Variants in CDC42SE2 observed in about 807,000 individuals in gnomAD.
CDC42SE2 encodes the protein CDC42 small effector 2.
A neutral mutation model predicts 11.5 loss-of-function variants in CDC42SE2; 3 were observed. The ratio of observed to expected loss-of-function variants is 0.26; its 90% CI spans 0.12 to 0.67. The LOEUF (loss-of-function observed/expected upper bound fraction) is 0.67. Among genes scored for constraint, CDC42SE2 ranks in the 30% least tolerant of loss-of-function variants. The pLI is 0.80. For synonymous variants in CDC42SE2, 33 were observed against 34.8 expected (o/e 0.95, Z 0.18); for missense variants, 82 against 106.8 (o/e 0.77, Z 1.02).
chr5:131,227,005 A>G, the CDC42SE2 span, among the ~76,000 whole-genome samples: 1 of 152,244 alleles, frequency 6.6e-6, no homozygotes. Flanking sequence ...ACATATAGTT[A>G]GGCATAAATA....
chr5:131,220,724 T>G, the CDC42SE2 span, among the ~76,000 whole-genome samples: 19 of 152,136 alleles, frequency 1.2e-4, no homozygotes, highest in Admixed American at 1.2e-3. Context: ...CAGGTATTGT[T>G]TTCCTGACAA....
chr5:131,282,499 G>A (rs907527943), intron 1 of CDC42SE2, among the ~76,000 whole-genome samples: 5 of 152,096 alleles, frequency 3.3e-5, no homozygotes, highest in African/African-American at 1.2e-4. Context: ...TGGCATATTT[G>A]TGTGTATTTC....
upstream of CDC42SE2, chr5:131,263,802 G>C (rs2149687402): frequency 6.6e-6 from 1 of 152,340 alleles, no homozygotes; most frequent in South Asian, 2.1e-4. Flanking sequence ...TGCAGTCCCG[G>C]ATCTCAGGCG....
At chr5:131,234,291 G>A in the CDC42SE2 span, among the ~76,000 whole-genome samples, 9 of 152,118 alleles carry the variant, frequency 5.9e-5, no homozygotes, top group South Asian at 2.1e-4. Context: ...ATCTTATTAG[G>A]GTTTTCTGGA....
intron 1 of CDC42SE2, among the ~76,000 whole-genome samples, chr5:131,307,091 G>A (rs1757794573): frequency 6.6e-6 from 1 of 151,044 alleles, no homozygotes; most frequent in African/African-American, 2.4e-5. Flanking sequence ...TATACTTTAA[G>A]TTTTAGGGTA....
At chr5:131,310,079 C>T (rs932868626) in intron 1 of CDC42SE2, among the ~76,000 whole-genome samples, 1 of 151,906 alleles carries the variant, frequency 6.6e-6, no homozygotes, top group Non-Finnish European at 1.5e-5. Context: ...CTGTTGTGGG[C>T]ATTTAGTGCT....
At chr5:131,312,767 C>T (rs1348013083) in intron 1 of CDC42SE2, among the ~76,000 whole-genome samples, 1 of 152,154 alleles carries the variant, frequency 6.6e-6, no homozygotes, top group Non-Finnish European at 1.5e-5. Flanking sequence ...CTTGCACTTC[C>T]CGAGTGAGGC....
At chr5:131,383,169 GT>G (rs976156831) in intron 3 of CDC42SE2, among the ~76,000 whole-genome samples, 2 of 152,228 alleles carry the variant, frequency 1.3e-5, no homozygotes, top group African/African-American at 4.8e-5. Context: ...TCAAAGGATG[GT>G]TGTGGGTGTC....
intron 2 of CDC42SE2, among the ~76,000 whole-genome samples, chr5:131,336,094 C>T (rs1479158314): frequency 1.3e-5 from 2 of 152,170 alleles, no homozygotes; most frequent in Non-Finnish European, 2.9e-5. Context: ...CATGTTTTTG[C>T]AGTGGCTGGT....
At chr5:131,260,859 G>A (rs932034165), upstream of CDC42SE2, among the ~76,000 whole-genome samples, 4 of 151,722 alleles carry the variant, frequency 2.6e-5, no homozygotes, top group African/African-American at 7.3e-5. Flanking sequence ...ATTTGAACCT[G>A]GGAGGCAGAG....
chr5:131,393,394 C>G lies in CDC42SE2; in HGVS notation c.*2303C>G, dbSNP rs1750725720. On this transcript the variant is annotated 3_prime_UTR_variant, in exon 5 of 5. Coordinates refer to ENST00000505065, the MANE Select transcript of CDC42SE2 (RefSeq NM_001375635.1). ...ATCTTTGTATTTTGCAGTTTTGAGC[C>G]TTTGTGTCAATCCCAAGCACAGAGA... 1 of 152,316 alleles carries G rather than the reference C, an allele frequency of 6.6e-6. No homozygotes were observed. The highest frequency in any genetic ancestry group is 2.1e-4 in the South Asian group (1 of 4,828). 9.4% of individuals were successfully genotyped at this position (152,316 alleles called of 1,614,324 possible).
At chr5:131,277,882 T>A (rs1262547515) in intron 1 of CDC42SE2, among the ~76,000 whole-genome samples, 2 of 152,210 alleles carry the variant, frequency 1.3e-5, no homozygotes, top group African/African-American at 4.8e-5. Context: ...CAGTAGGGAC[T>A]TCCTTTGTCT....
chr5:131,263,850 C>A (rs1339995909), upstream of CDC42SE2: 1 of 152,364 alleles, frequency 6.6e-6, no homozygotes, highest in South Asian at 2.1e-4. Flanking sequence ...ACCCGCGCGG[C>A]TCGAATCCCG....
At chr5:131,365,294 CAAA>C (rs1237089766) in intron 3 of CDC42SE2, among the ~76,000 whole-genome samples, 1 of 133,202 alleles carries the variant, frequency 7.5e-6, no homozygotes. Flanking sequence ...GACTCTGTCT[CAAA>C]AAAAAAAAAG....
chr5:131,354,936 G>C (rs1031903714), intron 2 of CDC42SE2, among the ~76,000 whole-genome samples: 15 of 152,158 alleles, frequency 9.9e-5, no homozygotes, highest in African/African-American at 3.1e-4. Context: ...TCATGCTTCA[G>C]CTGCGCCAAA....
intron 1 of CDC42SE2, among the ~76,000 whole-genome samples, chr5:131,248,374 G>A (rs1756613257): frequency 6.6e-6 from 1 of 151,814 alleles, no homozygotes; most frequent in African/African-American, 2.4e-5. Flanking sequence ...TCCTGACCTT[G>A]TGATCCGCCC....
At chr5:131,329,816 T>C (rs1178582142) in intron 2 of CDC42SE2, among the ~76,000 whole-genome samples, 1 of 139,198 alleles carries the variant, frequency 7.2e-6, no homozygotes, top group African/African-American at 2.7e-5. Context: ...GAGGCAGAGG[T>C]TGTAGTGAGC....
chr5:131,215,295 G>C, the CDC42SE2 span, among the ~76,000 whole-genome samples: 1 of 152,162 alleles, frequency 6.6e-6, no homozygotes, highest in Admixed American at 6.5e-5. Flanking sequence ...TGATGCATTA[G>C]TTAGAATTAT....
chr5:131,251,163 G>A (rs1183526956), intron 1 of CDC42SE2, among the ~76,000 whole-genome samples: 1 of 152,148 alleles, frequency 6.6e-6, no homozygotes, highest in Admixed American at 6.5e-5. Context: ...AACATTTTGT[G>A]TATCTGTTTT....
Sources: allele counts gnomAD v4.1 joint callset (sites outside exome capture counted in the v4.1 genomes callset), GRCh38; gene constraint gnomAD v4.1.1; transcripts MANE v1.5; gene names NCBI Gene and HGNC (gene_info 2026-07-23, HGNC 2026-07-21).